The following OR6C1 variants were observed in gnomAD, a reference collection of about 807,000 sequenced individuals.
The protein encoded by OR6C1 is olfactory receptor 6C1.
For synonymous variants in OR6C1, 157 were observed against 133.3 expected, an observed-to-expected ratio of 1.18 and a Z score of -1.22; for missense variants, 386 against 366.1, an observed-to-expected ratio of 1.05 and a Z score of -0.44.
intron 1 of OR6C1, among the ~76,000 whole-genome samples, chr12:55,316,832 G>C (rs1295070538): frequency 6.6e-6 from 1 of 151,798 alleles, no homozygotes; most frequent in Non-Finnish European, 1.5e-5. Context: ...TGTTTCCCTA[G>C]TCTTTGAAGA....
chr12:55,315,910 CAG>C (rs1316400005), intron 1 of OR6C1, among the ~76,000 whole-genome samples: 2 of 151,074 alleles, frequency 1.3e-5, no homozygotes, highest in African/African-American at 2.4e-5. Flanking sequence ...AAAAAAAACA[CAG>C]AGTTATATGA....
intron 1 of OR6C1, among the ~76,000 whole-genome samples, chr12:55,317,631 A>G (rs991741962): frequency 6.6e-5 from 10 of 151,912 alleles, no homozygotes; most frequent in African/African-American, 2.2e-4. Context: ...AATTAACTAG[A>G]TGAGTGTTTC....
chr12:55,319,010 A>G (rs1592262229), intron 1 of OR6C1, among the ~76,000 whole-genome samples: 1 of 152,122 alleles, frequency 6.6e-6, no homozygotes. Flanking sequence ...ATACTTATCT[A>G]TCATCTCTTT....
rs554512992 is a variant in OR6C1 at position 55,321,888 on chromosome 12, T to C, written c.*350T>C. The C allele has an allele frequency of 1.3e-5, 2 of 159,590 alleles. No individual in the cohort carries two copies. The highest frequency in any genetic ancestry group is 3.5e-4 in the East Asian group (2 of 5,648). 9.9% of individuals were successfully genotyped at this position (159,590 alleles called of 1,614,324 possible). A position where few individuals can be genotyped will look rare whatever the true frequency, so the allele number is the denominator to read the frequency against. On this transcript the variant is annotated 3_prime_UTR_variant, in exon 2 of 2. Transcript: ENST00000642104. ...TTCTACTTGTTATACACAGAACATA[T>C]AGTTTTATAATTTTAATTTATTCTT...
At chr12:55,320,460 C>T (rs773910915) in intron 1 of OR6C1, 107 bp from the exon 2 acceptor site, 19 of 590,852 alleles carry the variant, frequency 3.2e-5, no homozygotes, top group Non-Finnish European at 5.4e-5. Flanking sequence ...GTTAAATTTC[C>T]CCTTGAAGTA....
chr12:55,318,221 AGTGTGTGTGT>A (rs71070867), intron 1 of OR6C1, among the ~76,000 whole-genome samples: 6 of 128,590 alleles, frequency 4.7e-5, no homozygotes, highest in Non-Finnish European at 8.3e-5. Flanking sequence ...AGATAAGTGG[AGTGTGTGTGT>A]GTGTGTGTGT....
chr12:55,321,408 A>C lies in OR6C1; in HGVS notation c.809A>C (p.Lys270Thr), dbSNP rs1258419839. ...PSAKDRVSLSKGVAILNTSVA... is the reference protein window; with the variant it reads ...PSAKDRVSLSTGVAILNTSVA... ...GCAAAAGATAGAGTGTCCTTGAGCA[A>C]GGGAGTGGCAATACTAAACACCTCA... The change falls in exon 2 of 2, where the codon AAG becomes ACG. Residue 270 changes from lysine to threonine, a missense_variant. Lys to Thr is a moderately conservative substitution (Grantham distance 78, BLOSUM62 -1). Transcript: ENST00000642104. The C allele has an allele frequency of 6.2e-7, 1 of 1,613,938 alleles. No homozygotes were observed.
At position 55,322,286 on chromosome 12, in the gene OR6C1, A is replaced by G. The variant is rs183230420; in HGVS notation, c.*748A>G. The G allele has an allele frequency of 9.9e-5, 15 of 152,150 alleles. No homozygotes were observed. The highest frequency in any genetic ancestry group is 2.1e-4 in the Non-Finnish European group (14 of 67,902). 9.4% of individuals were successfully genotyped at this position (152,150 alleles called of 1,614,324 possible). A position where few individuals can be genotyped will look rare whatever the true frequency, so the allele number is the denominator to read the frequency against. On this transcript the variant is annotated 3_prime_UTR_variant, in exon 2 of 2. Transcript: ENST00000642104. Reference sequence around the variant, plus strand: ...AGTGGAAAATAAGCTTCTTTCTATCATTACCTAAAAGTAGTATGTAAATCT... The same window carrying G: ...AGTGGAAAATAAGCTTCTTTCTATCGTTACCTAAAAGTAGTATGTAAATCT...
rs1689531129 is a variant in OR6C1 at position 55,318,538 on chromosome 12, C to T, written c.-33-2029C>T. On this transcript the variant is annotated intron_variant, in intron 1 of 1. Transcript: ENST00000642104. The stretch of plus-strand genomic sequence containing the variant: ...CAGCTCAATGGTTAGGAAATACTTT[C>T]TCCATAGAACAAAGCCTCATACAGC... Among the ~76,000 whole-genome samples the T allele has an allele frequency of 4.6e-5, 7 of 151,002 alleles. 1 individual carries two copies. The Admixed American group carries it at 4.6e-4, about 10-fold the overall frequency.
intron 1 of OR6C1, 39 bp from the exon 2 acceptor site, chr12:55,320,528 A>T: frequency 1.1e-6 from 1 of 887,402 alleles, no homozygotes. Context: ...TTGTTAATTG[A>T]TAACTCTTCA....
chr12:55,321,625 T>G lies in OR6C1; in HGVS notation c.*87T>G. 1.4e-6 allele frequency: 1 copy of G among 735,576 alleles called. No homozygotes were observed. The allele number at this position is 735,576 out of a possible 1,614,324, so 45.6% of individuals were successfully genotyped here. A position where few individuals can be genotyped will look rare whatever the true frequency, so the allele number is the denominator to read the frequency against. ...TTCAATCAAAATGGCCTCCTTGCAG[T>G]CTTCTGCATCATTTTCTTTTCCCTA... On this transcript the variant is annotated 3_prime_UTR_variant, in exon 2 of 2. Coordinates refer to ENST00000642104, the MANE Select transcript of OR6C1 (RefSeq NM_001005182.2).
rs1868380638 is a variant in OR6C1 at position 55,314,484 on chromosome 12, A to G, written c.-149A>G. On this transcript the variant is annotated 5_prime_UTR_variant, in exon 1 of 2. Transcript: ENST00000642104. Reference sequence around the variant, plus strand: ...TTGAAAATAGGAAGAAAATTTCTTCAATGAGAAAGTGAATGTTTTCAGAAA... The same window carrying G: ...TTGAAAATAGGAAGAAAATTTCTTCGATGAGAAAGTGAATGTTTTCAGAAA... The G allele has an allele frequency of 6.6e-6, 1 of 151,674 alleles. No individual in the cohort carries two copies. 9.4% of individuals were successfully genotyped at this position (151,674 alleles called of 1,614,324 possible). A position where few individuals can be genotyped will look rare whatever the true frequency, so the allele number is the denominator to read the frequency against.
chr12:55,315,788 C>T (rs1021252691), intron 1 of OR6C1, among the ~76,000 whole-genome samples: 1 of 151,218 alleles, frequency 6.6e-6, no homozygotes, highest in Non-Finnish European at 1.5e-5. Context: ...AATAACCGAG[C>T]AGTACCAAAG....
At position 55,321,659 on chromosome 12, in the gene OR6C1, C is replaced by A; in HGVS notation, c.*121C>A. The A allele has an allele frequency of 1.8e-6, 1 of 562,560 alleles. No individual in the cohort carries two copies. Among genetic ancestry groups the A allele is most frequent in the East Asian group, 3.0e-5 (1 of 33,556 alleles). The allele number at this position is 562,560 out of a possible 1,614,324, so 34.8% of individuals were successfully genotyped here. On this transcript the variant is annotated 3_prime_UTR_variant, in exon 2 of 2. Transcript: ENST00000642104. ...TCATTTTCTTTTCCCTAAAAGTTTG[C>A]AAGCATATTTATTTAATATATTTCT...
chr12:55,316,056 G>T (rs78115749), intron 1 of OR6C1, among the ~76,000 whole-genome samples: 5,842 of 150,184 alleles, frequency 0.039, 390 homozygotes, highest in African/African-American at 0.13. Context: ...CTAAGGGAGG[G>T]CTCAACTCAG....
rs1868571581 is a variant in OR6C1, at chr12:55,321,890, G to A, written c.*352G>A. The stretch of plus-strand genomic sequence containing the variant: ...CTACTTGTTATACACAGAACATATA[G>A]TTTTATAATTTTAATTTATTCTTAT... On this transcript the variant is annotated 3_prime_UTR_variant, in exon 2 of 2. Transcript: ENST00000642104. 2 of 157,956 alleles carry A rather than the reference G, an allele frequency of 1.3e-5. No individual in the cohort carries two copies. Among genetic ancestry groups the A allele is most frequent in the South Asian group, 4.1e-4 (2 of 4,922 alleles). The allele number at this position is 157,956 out of a possible 1,614,324, so 9.8% of individuals were successfully genotyped here.
At chr12:55,314,623 A>G (rs1868382656) in intron 1 of OR6C1, 24 bp downstream of exon 1, 1 of 151,666 alleles carries the variant, frequency 6.6e-6, no homozygotes, top group African/African-American at 2.4e-5. Flanking sequence ...GTGGAAGGCA[A>G]TGGAAGTCTC....
Position 55,320,958 on chromosome 12 carries a change from G to GCTA in OR6C1, c.360_362dup (p.Tyr121dup), listed in dbSNP as rs1565662166. 2 of 1,613,658 alleles carry GCTA rather than the reference G, an allele frequency of 1.2e-6. No individual in the cohort carries two copies. Among genetic ancestry groups the GCTA allele is most frequent in the South Asian group, 2.2e-5 (2 of 91,058 alleles). ...CTTCTGGCTGCCATGTCCTATGACC[G>GCTA]CTATGTGGCCATCTGCAAGCCTCTG... On this transcript the variant is annotated inframe_insertion, in exon 2 of 2. Transcript: ENST00000642104.
At chr12:55,314,995 A>C (rs1868386588) in intron 1 of OR6C1, among the ~76,000 whole-genome samples, 2 of 151,684 alleles carry the variant, frequency 1.3e-5, no homozygotes, top group African/African-American at 4.8e-5. Context: ...ATAAAGAAAA[A>C]AAGTCCCTAG....
Sources: gnomAD v4.1 joint callset for allele counts (sites outside exome capture counted in the v4.1 genomes callset) on GRCh38, gnomAD v4.1.1 for gene constraint, MANE v1.5 for transcripts, NCBI Gene and HGNC (gene_info 2026-07-23, HGNC 2026-07-21) for gene names.